ACTR1B: variants seen among roughly 807,000 people sequenced by gnomAD.
ACTR1B encodes actin related protein 1B, also known as beta-centractin.
Under a neutral mutation model 49.4 loss-of-function variants are expected in ACTR1B, and 34 were observed. That is an observed-to-expected ratio of 0.69 (90% CI 0.52 to 0.92). ACTR1B has a LOEUF of 0.92. ACTR1B is among the 40% of genes least tolerant of loss of function. The probability of loss-of-function intolerance (pLI) is 0.00; values close to 1 mark genes in which losing one functional copy is unlikely to be tolerated. For synonymous variants in ACTR1B, 207 were observed against 207.8 expected (o/e 1.00, Z 0.03); for missense variants, 471 against 522.4 (o/e 0.90, Z 0.96).
At position 97,661,878 on chromosome 2, in the gene ACTR1B, T is replaced by C; in HGVS notation, c.113+4A>G. 1 of 1,588,878 alleles carries C rather than the reference T, an allele frequency of 6.3e-7. No homozygotes were observed. Among genetic ancestry groups the C allele is most frequent in the Non-Finnish European group, 8.6e-7 (1 of 1,165,696 alleles). ...ACTAAGGCTGCTGCCTGAGCCACAC[T>C]TACTAGTTTGGGAAACAGTATTTGG... On this transcript the variant is annotated splice_donor_region_variant and intron_variant, in intron 2 of 10. Coordinates refer to ENST00000289228, the MANE Select transcript of ACTR1B (RefSeq NM_005735.4).
At chr2:97,657,129 C>T in intron 10 of ACTR1B, 23 bp downstream of exon 10, 1 of 1,610,350 alleles carries the variant, frequency 6.2e-7, no homozygotes, top group Non-Finnish European at 8.5e-7. Context: ...CCTCCCAGAG[C>T]CCTCCCTTGA....
chr2:97,664,038 G>T lies in ACTR1B; in HGVS notation c.-148C>A. 1 of 351,462 alleles carries T rather than the reference G, an allele frequency of 2.8e-6. No individual in the cohort carries two copies. Among genetic ancestry groups the T allele is most frequent in the South Asian group, 1.3e-4 (1 of 7,444 alleles). The allele number at this position is 351,462 out of a possible 1,614,324, so 21.8% of individuals were successfully genotyped here. On this transcript the variant is annotated 5_prime_UTR_variant, in exon 1 of 11. Coordinates refer to ENST00000289228, the MANE Select transcript of ACTR1B (RefSeq NM_005735.4). ...CTGCAGCCTACGCGAGCCCCGCGGG[G>T]CTTTCTGGAGGGCGGGCCCGGCGGC...
Position 97,658,460 on chromosome 2 carries a change from C to T in ACTR1B, c.624G>A (p.Ser208=), listed in dbSNP as rs369309171. 42 of 1,614,018 alleles carry T rather than the reference C, an allele frequency of 2.6e-5. 1 individual carries two copies. Among genetic ancestry groups the T allele is most frequent in the East Asian group, 4.5e-5 (2 of 44,892 alleles). The change falls in exon 6 of 11, where the codon TCG becomes TCA. Residue 208 remains serine, a synonymous_variant. Transcript: ENST00000289228. The surrounding 1 kb of genome is among the most constrained non-coding windows in gnomAD (Gnocchi z 5.9). ...LRKEGVDFHT[S]AEFEVVRTIK... ...TTGTCCGGACAACCTCAAACTCAGC[C>T]GAGGTATGGAAGTCAACCCCTTCCT...
rs970816744 is a variant in ACTR1B at position 97,656,608 on chromosome 2, A to G, written c.*250T>C. The G allele has an allele frequency of 1.9e-5, 9 of 481,182 alleles. No individual in the cohort carries two copies. The highest frequency in any genetic ancestry group is 7.0e-5 in the Admixed American group (2 of 28,630). 29.8% of individuals were successfully genotyped at this position (481,182 alleles called of 1,614,324 possible). A position where few individuals can be genotyped will look rare whatever the true frequency, so the allele number is the denominator to read the frequency against. On this transcript the variant is annotated 3_prime_UTR_variant, in exon 11 of 11. Transcript: ENST00000289228. ...CTGGCCCTGCCAGGGGGATACCCACAACAGCCTGACATGGCGCTCAATTCC... is the reference window on the plus strand; with the variant it reads ...CTGGCCCTGCCAGGGGGATACCCACGACAGCCTGACATGGCGCTCAATTCC...
intron 8 of ACTR1B, 144 bp downstream of exon 8, chr2:97,657,799 T>C (rs1674882887): frequency 2.0e-6 from 2 of 984,252 alleles, no homozygotes; most frequent in Non-Finnish European, 3.0e-6. Flanking sequence ...AAAATTTAAT[T>C]TTAAATTTTG....
rs541664135 is a variant in ACTR1B, at chr2:97,658,528, C to A, written c.556G>T (p.Ala186Ser). ...MPHSIMRVDIAGRDVSRYLRL... is the reference protein window; with the variant it reads ...MPHSIMRVDISGRDVSRYLRL... ...AGGTAGCGGGAGACGTCGCGGCCGG[C>A]AATGTCCACCCGCATGATGGAGTGA... is the stretch of plus-strand genomic sequence containing the variant. Residue 186 changes from alanine (A) to serine (S), a missense_variant, in exon 6 of 11, where the codon GCC becomes TCC. Ala to Ser is a moderately conservative substitution (Grantham distance 99). Transcript: ENST00000289228. The surrounding 1 kb of genome is among the most constrained non-coding windows in gnomAD (Gnocchi z 5.9). 5.0e-6 allele frequency: 8 copies of A among 1,614,116 alleles called. No homozygotes were observed. In the South Asian group the frequency reaches 7.7e-5, roughly 16 times the overall value.
At position 97,656,753 on chromosome 2, in the gene ACTR1B, A is replaced by G; in HGVS notation, c.*105T>C. The G allele has an allele frequency of 1.1e-6, 1 of 920,412 alleles. No homozygotes were observed. Among genetic ancestry groups the G allele is most frequent in the Non-Finnish European group, 1.7e-6 (1 of 585,444 alleles). 57.0% of individuals were successfully genotyped at this position (920,412 alleles called of 1,614,324 possible). A position where few individuals can be genotyped will look rare whatever the true frequency, so the allele number is the denominator to read the frequency against. On this transcript the variant is annotated 3_prime_UTR_variant, in exon 11 of 11. Coordinates refer to ENST00000289228, the MANE Select transcript of ACTR1B (RefSeq NM_005735.4). ...TGCCACCCACCCAGGGGTTCAGGGCATGCAGGGGACCCTAAGCCTAGTATA... is the reference window on the plus strand; with the variant it reads ...TGCCACCCACCCAGGGGTTCAGGGCGTGCAGGGGACCCTAAGCCTAGTATA...
intron 1 of ACTR1B, among the ~76,000 whole-genome samples, chr2:97,662,604 C>T (rs1675048837): frequency 6.6e-6 from 1 of 152,030 alleles, no homozygotes; most frequent in Non-Finnish European, 1.5e-5. Context: ...TAAGGATCCC[C>T]CAAAGAACGG....
At chr2:97,657,635 G>A in intron 8 of ACTR1B, 126 bp from the exon 9 acceptor site, 1 of 1,052,644 alleles carries the variant, frequency 9.5e-7, no homozygotes, top group Non-Finnish European at 1.4e-6. Flanking sequence ...CCAGGATGAA[G>A]GGCAAGGCTG....
chr2:97,662,280 T>C (rs1245492349), intron 1 of ACTR1B, among the ~76,000 whole-genome samples: 1 of 151,984 alleles, frequency 6.6e-6, no homozygotes, highest in Non-Finnish European at 1.5e-5. Flanking sequence ...GCCCAGAATG[T>C]CAATAATATA....
At position 97,657,516 on chromosome 2, in the gene ACTR1B, A is replaced by T; in HGVS notation, c.926-7T>A. The T allele has an allele frequency of 6.2e-7, 1 of 1,614,194 alleles. No homozygotes were observed. Among genetic ancestry groups the T allele is most frequent in the Non-Finnish European group, 8.5e-7 (1 of 1,180,030 alleles). The stretch of plus-strand genomic sequence containing the variant: ...AGTAATCGGTCTCCGAAGCCTGTGA[A>T]CACAAAGCTGGCTGAGCCTGGGGTC... On this transcript the variant is annotated splice_polypyrimidine_tract_variant and splice_region_variant and intron_variant, in intron 8 of 10. Coordinates refer to ENST00000289228, the MANE Select transcript of ACTR1B (RefSeq NM_005735.4).
intron 8 of ACTR1B, among the ~76,000 whole-genome samples, 163 bp from the exon 9 acceptor site, chr2:97,657,672 T>G (rs957871617): frequency 6.6e-6 from 1 of 152,210 alleles, no homozygotes; most frequent in African/African-American, 2.4e-5. Flanking sequence ...CATGGCTGCC[T>G]GCGGGCCCTG....
rs76631457 is a variant in ACTR1B, at chr2:97,660,586, G to A, written c.174C>T (p.Ile58=). Residue 58 remains isoleucine (I), a synonymous_variant, in exon 3 of 11, where the codon ATC becomes ATT. Transcript: ENST00000289228. The part of the protein sequence containing the change: ...MAGALEGDLF[I]GPKAEEHRGL... Reference sequence around the variant, plus strand: ...TCGGTGTTACCTCTGCTTTTGGTCCGATGAAGAGGTCCCCCTCCAGGGCTC... The same window carrying A: ...TCGGTGTTACCTCTGCTTTTGGTCCAATGAAGAGGTCCCCCTCCAGGGCTC... The A allele has an allele frequency of 5.5e-4, 889 of 1,614,110 alleles. 3 individuals are homozygous for A. The African/African-American group carries it at 1.0e-2, about 18-fold the overall frequency.
At position 97,658,430 on chromosome 2, in the gene ACTR1B, T is replaced by C; in HGVS notation, c.654A>G (p.Lys218=). ...SAEFEVVRTI[K]ERACYLSINP... ...ACACCCTCTCGCCCCTTGTCACCTCTTTGATTGTCCGGACAACCTCAAACT... is the reference window on the plus strand; with the variant it reads ...ACACCCTCTCGCCCCTTGTCACCTCCTTGATTGTCCGGACAACCTCAAACT... The change falls in exon 6 of 11, where the codon AAA becomes AAG. Residue 218 remains lysine (K), a synonymous_variant. Transcript: ENST00000289228. This position sits in a 1 kb window ranked among gnomAD's most constrained non-coding sequence, Gnocchi z 5.9. The C allele has an allele frequency of 6.2e-7, 1 of 1,614,058 alleles. No individual in the cohort carries two copies. Among genetic ancestry groups the C allele is most frequent in the Non-Finnish European group, 8.5e-7 (1 of 1,179,968 alleles).
Position 97,659,916 on chromosome 2 carries a change from C to T in ACTR1B, c.190-439G>A. The T allele has an allele frequency of 4.3e-6, 1 of 234,892 alleles. No homozygotes were observed. The highest frequency in any genetic ancestry group is 8.4e-6 in the Non-Finnish European group (1 of 118,454). 14.6% of individuals were successfully genotyped at this position (234,892 alleles called of 1,614,324 possible). On this transcript the variant is annotated intron_variant, in intron 3 of 10. Coordinates refer to ENST00000289228, the MANE Select transcript of ACTR1B (RefSeq NM_005735.4). The surrounding 1 kb of genome is among the most constrained non-coding windows in gnomAD (Gnocchi z 4.0). ...CCCCAGCCCTTTGGCCGGTCCTCAC[C>T]AGTCCCCTGTTTGCACTGACATGCT... is the stretch of plus-strand genomic sequence containing the variant.
At position 97,656,118 on chromosome 2, in the gene ACTR1B, C is replaced by T. The variant is rs949345954; in HGVS notation, c.*740G>A. The T allele has an allele frequency of 3.9e-5, 6 of 152,278 alleles. No individual in the cohort carries two copies. Among genetic ancestry groups the T allele is most frequent in the African/African-American group, 1.2e-4 (5 of 41,454 alleles). The allele number at this position is 152,278 out of a possible 1,614,324, so 9.4% of individuals were successfully genotyped here. A position where few individuals can be genotyped will look rare whatever the true frequency, so the allele number is the denominator to read the frequency against. On this transcript the variant is annotated 3_prime_UTR_variant, in exon 11 of 11. Coordinates refer to ENST00000289228, the MANE Select transcript of ACTR1B (RefSeq NM_005735.4). Reference sequence around the variant, plus strand: ...TTGGGTGAGGTAAGAAAATGTCCCCCACCCCCTTTTAGGTCTGACTCCTTA... The same window carrying T: ...TTGGGTGAGGTAAGAAAATGTCCCCTACCCCCTTTTAGGTCTGACTCCTTA...
At position 97,660,651 on chromosome 2, in the gene ACTR1B, T is replaced by A. The variant is rs1559290225; in HGVS notation, c.114-5A>T. Reference sequence around the variant, plus strand: ...ATGTGCTTCGGCCGCCCGACACTGTTAGGACGGATAACGTCAGCAAGGTGG... The same window carrying A: ...ATGTGCTTCGGCCGCCCGACACTGTAAGGACGGATAACGTCAGCAAGGTGG... On this transcript the variant is annotated splice_region_variant and splice_polypyrimidine_tract_variant and intron_variant, in intron 2 of 10. Transcript: ENST00000289228. 1 of 1,613,866 alleles carries A rather than the reference T, an allele frequency of 6.2e-7. No individual in the cohort carries two copies.
chr2:97,663,077 T>C lies in ACTR1B; in HGVS notation c.48+766A>G, dbSNP rs139143943. On this transcript the variant is annotated intron_variant, in intron 1 of 10. Transcript: ENST00000289228. Reference sequence around the variant, plus strand: ...ACCCAGCTAGGGGCAGACTCAAAGATCCCAGCCCTTATCTTCTCCCCATAT... The same window carrying C: ...ACCCAGCTAGGGGCAGACTCAAAGACCCCAGCCCTTATCTTCTCCCCATAT... Among the ~76,000 whole-genome samples, 471 of 152,156 alleles carry C rather than the reference T, an allele frequency of 3.1e-3. 3 individuals carry two copies. Among genetic ancestry groups the C allele is most frequent in the South Asian group, 0.028 (134 of 4,822 alleles).
rs370608191 is a variant in ACTR1B, at chr2:97,658,190, G to A, written c.750+34C>T. On this transcript the variant is annotated intron_variant, in intron 7 of 10. Coordinates refer to ENST00000289228, the MANE Select transcript of ACTR1B (RefSeq NM_005735.4). This position sits in a 1 kb window ranked among gnomAD's most constrained non-coding sequence, Gnocchi z 5.9. ...TACCCCTTCCCCCAGGCTGGGCATC[G>A]GCTGCCACTCCAGTGCCAGGCCCGG... The A allele has an allele frequency of 2.9e-5, 46 of 1,613,214 alleles. No individual in the cohort carries two copies. The highest frequency in any genetic ancestry group is 1.7e-4 in the African/African-American group (13 of 74,926).
Sources: allele counts gnomAD v4.1 joint callset (sites outside exome capture counted in the v4.1 genomes callset), GRCh38; gene constraint gnomAD v4.1.1; non-coding constraint Gnocchi (gnomAD v3.1); transcripts MANE v1.5; gene names NCBI Gene and HGNC (gene_info 2026-07-23, HGNC 2026-07-21).